RANBP2: variants seen among roughly 807,000 people sequenced by gnomAD.
The protein encoded by RANBP2 is E3 SUMO-protein ligase RanBP2.
Under a neutral mutation model 303.6 loss-of-function variants are expected in RANBP2, and 57 were observed. The ratio of observed to expected loss-of-function variants is 0.19; its 90% CI spans 0.15 to 0.23. The LOEUF is 0.23. Among genes scored for constraint, RANBP2 ranks in the 10% least tolerant of loss-of-function variants. The pLI, the probability that RANBP2 is intolerant of heterozygous loss-of-function variation, is 1.00. For synonymous variants in RANBP2, 1,167 were observed against 1,301.5 expected (o/e 0.90, Z 2.23); for missense variants, 3,138 against 3,780.8 (o/e 0.83, Z 4.46).
the RANBP2 span, chr2:108,894,869 A>G: frequency 6.6e-6 from 1 of 152,236 alleles, no homozygotes; most frequent in Non-Finnish European, 1.5e-5. Flanking sequence ...CAGAATTCTA[A>G]TAGTGTGAAA....
At chr2:109,528,762 G>T in the RANBP2 span, among the ~76,000 whole-genome samples, 1 of 152,172 alleles carries the variant, frequency 6.6e-6, no homozygotes, top group African/African-American at 2.4e-5. Flanking sequence ...CACATCACAC[G>T]ACAAAGGGGG....
chr2:109,082,713 G>T, the RANBP2 span, among the ~76,000 whole-genome samples: 1 of 152,148 alleles, frequency 6.6e-6, no homozygotes, highest in African/African-American at 2.4e-5. Flanking sequence ...TACTTCAGAG[G>T]CTGAGGCAGG....
At chr2:109,169,022 A>G in the RANBP2 span, among the ~76,000 whole-genome samples, 1 of 151,572 alleles carries the variant, frequency 6.6e-6, no homozygotes, top group South Asian at 2.1e-4. Context: ...GCCTAACAGG[A>G]CTCTCCCTTG....
the RANBP2 span, among the ~76,000 whole-genome samples, chr2:109,005,543 A>G: frequency 6.6e-6 from 1 of 152,126 alleles, no homozygotes; most frequent in East Asian, 1.9e-4. Flanking sequence ...ACCTCTCTGA[A>G]GCCTTCCTGG....
chr2:109,256,823 G>A, the RANBP2 span, among the ~76,000 whole-genome samples: 9,688 of 152,226 alleles, frequency 0.064, 554 homozygotes, highest in East Asian at 0.32. Flanking sequence ...TGGCAGTGCC[G>A]GGTGACAGGT....
chr2:109,003,042 C>T, the RANBP2 span, among the ~76,000 whole-genome samples: 6 of 151,644 alleles, frequency 4.0e-5, no homozygotes, highest in Admixed American at 1.3e-4. Context: ...CCCGTCTCTA[C>T]GAAAAATACA....
At chr2:109,635,559 G>A in the RANBP2 span, among the ~76,000 whole-genome samples, 3 of 152,248 alleles carry the variant, frequency 2.0e-5, no homozygotes, top group South Asian at 2.1e-4. Flanking sequence ...GCAGATCCTC[G>A]CTGTGAGAGC....
chr2:109,374,228 C>A, the RANBP2 span, among the ~76,000 whole-genome samples: 27 of 152,286 alleles, frequency 1.8e-4, no homozygotes, highest in African/African-American at 6.3e-4. Context: ...CCCAAGCATC[C>A]TTGGGCAGGG....
At chr2:108,728,983 A>G (rs1293014167) in intron 1 of RANBP2, 149 bp from the exon 2 acceptor site, 2 of 912,270 alleles carry the variant, frequency 2.2e-6, no homozygotes, top group Admixed American at 5.9e-5. Context: ...AAAACATGGA[A>G]TTATGCATTT....
At chr2:108,761,242 C>G (rs1676710708) in intron 18 of RANBP2, among the ~76,000 whole-genome samples, 1 of 149,522 alleles carries the variant, frequency 6.7e-6, no homozygotes, top group South Asian at 2.2e-4. Flanking sequence ...ATAGTAATTT[C>G]AAAATAGCTA....
the RANBP2 span, among the ~76,000 whole-genome samples, chr2:109,378,645 G>T: frequency 6.6e-6 from 1 of 152,190 alleles, no homozygotes; most frequent in Non-Finnish European, 1.5e-5. Context: ...TCAGTTTGGT[G>T]TTTTTGAGGC....
chr2:109,580,868 A>G, the RANBP2 span, among the ~76,000 whole-genome samples: 1 of 152,228 alleles, frequency 6.6e-6, no homozygotes, highest in East Asian at 1.9e-4. Context: ...GCGCAAAGAC[A>G]GCACAGCGCC....
the RANBP2 span, among the ~76,000 whole-genome samples, chr2:108,971,465 C>T: frequency 1.3e-5 from 2 of 152,052 alleles, no homozygotes; most frequent in African/African-American, 2.4e-5. Context: ...CAACCCTGCC[C>T]GCACAGTAGC....
the RANBP2 span, among the ~76,000 whole-genome samples, chr2:109,121,478 A>C: frequency 6.6e-6 from 1 of 152,236 alleles, no homozygotes; most frequent in Non-Finnish European, 1.5e-5. Context: ...GGTGCACAGC[A>C]TCTGTTTCTC....
At chr2:108,857,922 T>C in the RANBP2 span, among the ~76,000 whole-genome samples, 9 of 152,214 alleles carry the variant, frequency 5.9e-5, no homozygotes, top group African/African-American at 1.2e-4. Context: ...GAAAACAAAA[T>C]ATAATTTTAT....
At chr2:109,555,003 T>C in the RANBP2 span, among the ~76,000 whole-genome samples, 1 of 152,202 alleles carries the variant, frequency 6.6e-6, no homozygotes, top group South Asian at 2.1e-4. Context: ...TTTCCATTTC[T>C]ACAGATACCA....
the RANBP2 span, chr2:108,873,344 T>C: frequency 4.8e-6 from 5 of 1,049,840 alleles, no homozygotes; most frequent in Non-Finnish European, 6.4e-6. Context: ...AGAATGAAAA[T>C]CTAAATGAAT....
intron 4 of RANBP2, 85 bp downstream of exon 4, chr2:108,731,559 C>T: frequency 2.5e-6 from 4 of 1,603,700 alleles, no homozygotes; most frequent in East Asian, 2.2e-5. Context: ...CAATAGCAAA[C>T]CTTAAGCCCA....
At chr2:108,865,532 G>A in the RANBP2 span, among the ~76,000 whole-genome samples, 1 of 152,156 alleles carries the variant, frequency 6.6e-6, no homozygotes, top group South Asian at 2.1e-4. Context: ...TCATGGTCTG[G>A]ACTCATTCTG....
Sources: allele counts gnomAD v4.1 joint callset (sites outside exome capture counted in the v4.1 genomes callset), GRCh38; gene constraint gnomAD v4.1.1; transcripts MANE v1.5; gene names NCBI Gene and HGNC (gene_info 2026-07-23, HGNC 2026-07-21).